Variants in PRKN observed in about 807,000 individuals in gnomAD.
The protein encoded by PRKN is E3 ubiquitin-protein ligase parkin.
PRKN carries 56 observed loss-of-function variants against 59.5 expected under a neutral mutation model. The observed-to-expected ratio is 0.94, with a 90% CI of 0.76 to 1.18. The LOEUF is 1.18. Ranked by LOEUF, PRKN falls within the 50% of genes most tolerant of loss-of-function variation. The probability of loss-of-function intolerance (pLI) is 0.00; values close to 1 mark genes in which losing one functional copy is unlikely to be tolerated. For missense variants in PRKN, 657 were observed against 596.4 expected (o/e 1.10, Z -1.06); for synonymous variants, 250 against 222.1 (o/e 1.13, Z -1.12).
intron 9 of PRKN, among the ~76,000 whole-genome samples, chr6:161,425,027 C>CAGGT (rs1788267184): frequency 6.6e-6 from 1 of 152,146 alleles, no homozygotes; most frequent in South Asian, 2.1e-4. Flanking sequence ...GTGATGCCTA[C>CAGGT]AGGTGTCTTC....
At chr6:162,428,064 C>T (rs1789328906) in intron 2 of PRKN, among the ~76,000 whole-genome samples, 1 of 152,050 alleles carries the variant, frequency 6.6e-6, no homozygotes, top group African/African-American at 2.4e-5. Context: ...TGGGGTTTTG[C>T]AATAACAATT....
chr6:162,064,169 A>G (rs1024494355), intron 4 of PRKN, among the ~76,000 whole-genome samples: 13 of 152,236 alleles, frequency 8.5e-5, no homozygotes, highest in Admixed American at 6.5e-4. Context: ...ATAGAAAAGT[A>G]TGTATTATAT....
At chr6:162,389,881 G>A (rs1431673982) in intron 2 of PRKN, among the ~76,000 whole-genome samples, 2 of 152,150 alleles carry the variant, frequency 1.3e-5, no homozygotes, top group African/African-American at 4.8e-5. Context: ...CAACCCCATG[G>A]CTGGCTTTAT....
chr6:161,939,442 A>AAAAAAAAAAC (rs1562403702), intron 6 of PRKN, among the ~76,000 whole-genome samples: 1 of 149,476 alleles, frequency 6.7e-6, no homozygotes, highest in African/African-American at 2.5e-5. Context: ...AAAAAAAAAA[A>AAAAAAAAAAC]ATACCGTCGT....
chr6:161,495,622 C>T (rs140536877), intron 9 of PRKN, among the ~76,000 whole-genome samples: 1 of 152,384 alleles, frequency 6.6e-6, no homozygotes, highest in Non-Finnish European at 1.5e-5. Flanking sequence ...CACCTTCAAC[C>T]ACCTGAGCAC....
intron 3 of PRKN, among the ~76,000 whole-genome samples, chr6:162,216,112 G>C (rs1777639441): frequency 6.6e-6 from 1 of 152,128 alleles, no homozygotes; most frequent in African/African-American, 2.4e-5. Context: ...GGACAGGATG[G>C]GGAATAGCTG....
chr6:161,969,326 T>C (rs1376638422), intron 6 of PRKN, among the ~76,000 whole-genome samples: 1 of 149,730 alleles, frequency 6.7e-6, no homozygotes, highest in Admixed American at 6.7e-5. Flanking sequence ...AATGGTTAAA[T>C]AGAACTGAGA....
chr6:162,420,274 A>G (rs994787635), intron 2 of PRKN, among the ~76,000 whole-genome samples: 1 of 150,460 alleles, frequency 6.6e-6, no homozygotes, highest in Admixed American at 6.7e-5. Flanking sequence ...GGGAGGGGGG[A>G]CTCCTGGTGT....
rs1789291542 is a variant in PRKN at position 161,442,674 on chromosome 6, A to G, written c.1084-55797T>C. Among the ~76,000 whole-genome samples, 2 of 152,136 alleles carry G rather than the reference A, an allele frequency of 1.3e-5. No homozygotes were observed. The highest frequency in any genetic ancestry group is 1.3e-4 in the Admixed American group (2 of 15,284). ...GACTCCCAGCTGAAGGTGGCTTGGA[A>G]TTTAGCTGTTCCTTCGGGGCCCCGC... On this transcript the variant is annotated intron_variant, in intron 9 of 11. Coordinates refer to ENST00000366898, the MANE Select transcript of PRKN (RefSeq NM_004562.3). The surrounding 1 kb of genome is among the most constrained non-coding windows in gnomAD (Gnocchi z 4.6).
chr6:161,796,491 G>A (rs1286212152), intron 6 of PRKN, among the ~76,000 whole-genome samples: 1 of 151,964 alleles, frequency 6.6e-6, no homozygotes, highest in Non-Finnish European at 1.5e-5. Flanking sequence ...TGTAAATAGT[G>A]GATAAATCAT....
At chr6:162,488,201 G>A (rs1792645933) in intron 1 of PRKN, among the ~76,000 whole-genome samples, 1 of 151,980 alleles carries the variant, frequency 6.6e-6, no homozygotes, top group Non-Finnish European at 1.5e-5. Context: ...ACTCTTAGCT[G>A]AATATTCCCA....
In PRKN at chr6:161,837,853, T is replaced by C. The variant is rs367876173; in HGVS notation, c.735-51945A>G. 2.0e-5 allele frequency among the ~76,000 whole-genome samples: 3 copies of C among 152,282 alleles called. No individual in the cohort carries two copies. In the South Asian group the frequency reaches 6.2e-4, roughly 32 times the overall value. ...CTAGAAAATAATAGTTTTGAGAGCT[T>C]TTTTAATGTTTCCAGAGGTAGGAGT... On this transcript the variant is annotated intron_variant, in intron 6 of 11. Coordinates refer to ENST00000366898, the MANE Select transcript of PRKN (RefSeq NM_004562.3).
intron 4 of PRKN, among the ~76,000 whole-genome samples, chr6:162,169,452 G>A (rs1404011718): frequency 6.6e-6 from 1 of 151,130 alleles, no homozygotes; most frequent in Non-Finnish European, 1.5e-5. Context: ...CTTTACAAGG[G>A]CACATATTAA....
At chr6:162,589,583 A>G (rs116735807) in intron 1 of PRKN, among the ~76,000 whole-genome samples, 15,290 of 152,092 alleles carry the variant, frequency 0.1, 907 homozygotes, top group Middle Eastern at 0.19. Flanking sequence ...TCTGTGTTTC[A>G]GATTATTTGC....
chr6:162,490,843 G>A (rs1225750724), intron 1 of PRKN, among the ~76,000 whole-genome samples: 1 of 152,128 alleles, frequency 6.6e-6, no homozygotes, highest in Admixed American at 6.5e-5. Flanking sequence ...TCAAAAGGAC[G>A]GCACGAGGGG....
intron 1 of PRKN, among the ~76,000 whole-genome samples, chr6:162,570,146 A>G (rs1386877658): frequency 2.0e-5 from 3 of 152,242 alleles, no homozygotes; most frequent in African/African-American, 7.2e-5. Flanking sequence ...TAGGCAAAAG[A>G]TTTGAACAGA....
At chr6:162,252,850 A>G (rs756369120) in intron 3 of PRKN, among the ~76,000 whole-genome samples, 52 of 152,264 alleles carry the variant, frequency 3.4e-4, no homozygotes, top group African/African-American at 1.2e-3. Context: ...AGAATGAACT[A>G]TATTTCCCAT....
At chr6:162,447,730 T>C (rs536519004) in intron 1 of PRKN, among the ~76,000 whole-genome samples, 1 of 152,250 alleles carries the variant, frequency 6.6e-6, no homozygotes, top group East Asian at 1.9e-4. Context: ...CAATAATTAA[T>C]GATTCTTAAA....
intron 2 of PRKN, among the ~76,000 whole-genome samples, chr6:162,306,528 G>T (rs1174527742): frequency 6.6e-6 from 1 of 152,160 alleles, no homozygotes; most frequent in Non-Finnish European, 1.5e-5. Flanking sequence ...TCTCAAAAAG[G>T]AGTTGCGAAG....
Sources: gnomAD v4.1 joint callset for allele counts (sites outside exome capture counted in the v4.1 genomes callset) on GRCh38, gnomAD v4.1.1 for gene constraint, Gnocchi (gnomAD v3.1) non-coding constraint, MANE v1.5 for transcripts, NCBI Gene and HGNC (gene_info 2026-07-23, HGNC 2026-07-21) for gene names.